BRD4: variants seen among roughly 807,000 people sequenced by gnomAD.
The protein encoded by BRD4 is bromodomain-containing protein 4.
Under a neutral mutation model 142.1 loss-of-function variants are expected in BRD4, and 16 were observed. The observed-to-expected ratio is 0.11, with a 90% CI of 0.08 to 0.17. BRD4 has a LOEUF of 0.17. BRD4 is among the 10% of genes least tolerant of loss of function. The probability of loss-of-function intolerance (pLI) is 1.00; values close to 1 mark genes in which losing one functional copy is unlikely to be tolerated. For missense variants in BRD4, 1,424 were observed against 1,810.9 expected (o/e 0.79, Z 3.88); for synonymous variants, 833 against 707.5 (o/e 1.18, Z -2.82).
Position 15,254,163 on chromosome 19 carries a change from T to C in BRD4, c.2147A>G (p.Asp716Gly), listed in dbSNP as rs781338893. 6.2e-7 allele frequency: 1 copy of C among 1,613,876 alleles called. No homozygotes were observed. The highest frequency in any genetic ancestry group is 8.5e-7 in the Non-Finnish European group (1 of 1,179,904). ...ACAAGTCACCTAACCTGTTTCGGAG[T>C]CTTCGCTGTCAGAGGAGCTGGACTC... ...SSESSSSDSEDSETEMAPKSK... is the reference protein window; with the variant it reads ...SSESSSSDSEGSETEMAPKSK... Residue 716 changes from aspartate to glycine, a missense_variant, in exon 11 of 20, where the codon GAC becomes GGC. Transcript: ENST00000679869.
intron 4 of BRD4, 85 bp from the exon 5 acceptor site, chr19:15,265,728 A>G: frequency 1.4e-6 from 2 of 1,402,606 alleles, no homozygotes; most frequent in African/African-American, 1.4e-5. Flanking sequence ...CACCACACAC[A>G]GTGAACGCAC....
chr19:15,245,169 C>T (rs529264657), intron 11 of BRD4, among the ~76,000 whole-genome samples: 4 of 152,202 alleles, frequency 2.6e-5, no homozygotes, highest in Admixed American at 6.5e-5. Flanking sequence ...TCACATTCAT[C>T]TTACAGCTGA....
chr19:15,332,534 C>T lies in BRD4; in HGVS notation c.-279G>A, dbSNP rs1454391237. 3 of 156,712 alleles carry T rather than the reference C, an allele frequency of 1.9e-5. No individual in the cohort carries two copies. The highest frequency in any genetic ancestry group is 1.8e-4 in the East Asian group (1 of 5,506). The allele number at this position is 156,712 out of a possible 1,614,324, so 9.7% of individuals were successfully genotyped here. On this transcript the variant is annotated 5_prime_UTR_variant, in exon 1 of 20. Transcript: ENST00000679869. ...CCGCCGCCGCCGCCGCCGCCGCCAG[C>T]GCACTGACGTCACCGCGCACGCTGC...
rs781555424 is a variant in BRD4, at chr19:15,238,960, G to A, written c.3803C>T (p.Ala1268Val). 23 of 1,592,894 alleles carry A rather than the reference G, an allele frequency of 1.4e-5. 1 individual carries two copies. In the South Asian group the frequency reaches 1.6e-4, roughly 11 times the overall value. The change falls in exon 19 of 20, where the codon GCG becomes GTG. Residue 1268 changes from alanine to valine, a missense_variant. Ala to Val is a moderately conservative substitution (Grantham distance 64). Coordinates refer to ENST00000679869, the MANE Select transcript of BRD4 (RefSeq NM_001379291.1). This position sits in a 1 kb window ranked among gnomAD's most constrained non-coding sequence, Gnocchi z 7.2. ...ERMRSREDEDALEQARRAHEE... is the reference protein window; with the variant it reads ...ERMRSREDEDVLEQARRAHEE... ...ATGGGCCCGCCGGGCCTGCTCCAGC[G>A]CATCCTCGTCCTCTCGGCTCCTGGG...
At chr19:15,317,021 C>T (rs1181584091) in intron 1 of BRD4, among the ~76,000 whole-genome samples, 5 of 152,216 alleles carry the variant, frequency 3.3e-5, no homozygotes, top group Non-Finnish European at 5.9e-5. Flanking sequence ...CACTACGTAT[C>T]ATCCAAACCA....
intron 1 of BRD4, among the ~76,000 whole-genome samples, chr19:15,303,089 A>G (rs1426319564): frequency 6.6e-6 from 1 of 152,032 alleles, no homozygotes; most frequent in East Asian, 1.9e-4. Context: ...TGTGCTTTAC[A>G]CTGAGAGAAC....
At chr19:15,274,837 A>G (rs574736551) in intron 1 of BRD4, among the ~76,000 whole-genome samples, 3 of 151,824 alleles carry the variant, frequency 2.0e-5, no homozygotes, top group African/African-American at 7.3e-5. Flanking sequence ...CCAGGCCTAG[A>G]TAGGCCCTTG....
At chr19:15,273,705 C>G (rs983963456) in intron 1 of BRD4, among the ~76,000 whole-genome samples, 4 of 152,206 alleles carry the variant, frequency 2.6e-5, no homozygotes, top group African/African-American at 9.7e-5. Flanking sequence ...AGCCACAAAC[C>G]TACTAAGAAT....
At chr19:15,297,074 A>G (rs1338032575) in intron 1 of BRD4, among the ~76,000 whole-genome samples, 1 of 152,228 alleles carries the variant, frequency 6.6e-6, no homozygotes, top group East Asian at 1.9e-4. Context: ...TGTGAGGAGT[A>G]AACAAAAGAT....
intron 1 of BRD4, among the ~76,000 whole-genome samples, chr19:15,293,969 T>A (rs563512838): frequency 6.6e-6 from 1 of 152,240 alleles, no homozygotes; most frequent in Non-Finnish European, 1.5e-5. Flanking sequence ...TAGCATGTGA[T>A]ATTGTGAAAT....
chr19:15,285,834 G>C lies in BRD4; in HGVS notation c.-34-12701C>G, dbSNP rs148774942. Among the ~76,000 whole-genome samples the C allele has an allele frequency of 4.6e-5, 7 of 152,316 alleles. No individual in the cohort carries two copies. In the East Asian group the frequency reaches 1.3e-3, roughly 29 times the overall value. ...ACTTTAAGGAGGACTTAAATGGCCAGGGGTGGGTGGGGGCACGAAGCACAG... is the reference window on the plus strand; with the variant it reads ...ACTTTAAGGAGGACTTAAATGGCCACGGGTGGGTGGGGGCACGAAGCACAG... On this transcript the variant is annotated intron_variant, in intron 1 of 19. Coordinates refer to ENST00000679869, the MANE Select transcript of BRD4 (RefSeq NM_001379291.1).
intron 11 of BRD4, chr19:15,246,583 T>C (rs1331566235): frequency 6.6e-6 from 1 of 152,212 alleles, no homozygotes; most frequent in East Asian, 1.9e-4. Flanking sequence ...GGCTCGCCTG[T>C]TGTCTCGTGG....
At chr19:15,321,899 C>A (rs2144994484) in intron 1 of BRD4, among the ~76,000 whole-genome samples, 1 of 152,262 alleles carries the variant, frequency 6.6e-6, no homozygotes, top group East Asian at 1.9e-4. Flanking sequence ...GCTTCTAAAA[C>A]ACAGTGGGTA....
At chr19:15,241,531 C>A (rs983269037) in intron 14 of BRD4, among the ~76,000 whole-genome samples, 2 of 152,246 alleles carry the variant, frequency 1.3e-5, no homozygotes, top group Non-Finnish European at 2.9e-5. Flanking sequence ...ATGCCCCATC[C>A]TAGCCTGCTG....
At chr19:15,249,131 C>T in intron 11 of BRD4, 2 of 1,352,792 alleles carry the variant, frequency 1.5e-6, no homozygotes, top group Non-Finnish European at 2.1e-6. Flanking sequence ...ATGACTAATC[C>T]ACCCCGGGGG....
At chr19:15,265,258 G>T in intron 5 of BRD4, 96 bp downstream of exon 5, 1 of 1,229,540 alleles carries the variant, frequency 8.1e-7, no homozygotes, top group Non-Finnish European at 1.1e-6. Flanking sequence ...ACCCACCAGT[G>T]CCCGGGACCC....
At chr19:15,263,664 T>C (rs535296844) in intron 6 of BRD4, 116 bp from the exon 7 acceptor site, 10 of 1,382,054 alleles carry the variant, frequency 7.2e-6, no homozygotes, top group African/African-American at 7.1e-5. Context: ...GGCTCTCAGT[T>C]TGGTCAAGAC....
At chr19:15,314,273 A>T (rs2145717928) in intron 1 of BRD4, among the ~76,000 whole-genome samples, 1 of 152,360 alleles carries the variant, frequency 6.6e-6, no homozygotes, top group Non-Finnish European at 1.5e-5. Context: ...TGTCAGACAA[A>T]GCAAATTCCA....
At chr19:15,281,165 G>A (rs922964840) in intron 1 of BRD4, among the ~76,000 whole-genome samples, 8 of 152,234 alleles carry the variant, frequency 5.3e-5, no homozygotes, top group Non-Finnish European at 7.3e-5. Flanking sequence ...GTGGCCGTGC[G>A]CCGAGGCAGC....
Sources: allele counts gnomAD v4.1 joint callset (sites outside exome capture counted in the v4.1 genomes callset), GRCh38; gene constraint gnomAD v4.1.1; non-coding constraint Gnocchi (gnomAD v3.1); transcripts MANE v1.5; gene names NCBI Gene and HGNC (gene_info 2026-07-23, HGNC 2026-07-21).